PPP1R1C: variants seen among roughly 807,000 people sequenced by gnomAD.
PPP1R1C encodes protein phosphatase 1 regulatory inhibitor subunit 1C.
PPP1R1C carries 15 observed loss-of-function variants against 17.4 expected under a neutral mutation model. That is an observed-to-expected ratio of 0.86 (90% confidence interval 0.58 to 1.33). The LOEUF (loss-of-function observed/expected upper bound fraction) is 1.33, where lower values mean the gene tolerates loss of function less well. PPP1R1C is among the 40% of genes most tolerant of loss of function. The pLI is 0.00. For missense variants in PPP1R1C, 143 were observed against 130.0 expected (o/e 1.10, Z -0.48); for synonymous variants, 35 against 43.1 (o/e 0.81, Z 0.73).
intron 1 of PPP1R1C, among the ~76,000 whole-genome samples, chr2:181,958,091 T>A (rs1315311255): frequency 6.6e-6 from 1 of 152,142 alleles, no homozygotes; most frequent in Non-Finnish European, 1.5e-5. Flanking sequence ...CTGACTTTGA[T>A]ATAAGAACAT....
rs537919332 is a variant in PPP1R1C at position 182,081,668 on chromosome 2, T to TA, written c.241+17886dup. Among the ~76,000 whole-genome samples the TA allele has an allele frequency of 2.8e-4, 42 of 151,464 alleles. 1 individual carries two copies. Among genetic ancestry groups the TA allele is most frequent in the Admixed American group, 1.8e-3 (28 of 15,192 alleles). On this transcript the variant is annotated intron_variant, in intron 4 of 4. Coordinates refer to ENST00000682840, the MANE Select transcript of PPP1R1C (RefSeq NM_001080545.3). ...TTCGATAACTTCTGGATGCATTTTG[T>TA]AAAAAAAAAGTATTGTGTCATATTA... is the stretch of plus-strand genomic sequence containing the variant.
chr2:182,124,304 GTTTT>G (rs1177517439), intron 5 of PPP1R1C, among the ~76,000 whole-genome samples: 1 of 77,648 alleles, frequency 1.3e-5, no homozygotes, highest in Non-Finnish European at 2.8e-5. Context: ...CTCCAGCTTT[GTTTT>G]TTTTTGTTTT....
At chr2:181,977,813 C>T (rs900245651) in intron 2 of PPP1R1C, among the ~76,000 whole-genome samples, 10 of 152,142 alleles carry the variant, frequency 6.6e-5, no homozygotes, top group African/African-American at 2.2e-4. Context: ...GGAGCTGACT[C>T]ACGTGGCTGG....
intron 2 of PPP1R1C, among the ~76,000 whole-genome samples, chr2:182,015,884 G>A (rs1686250687): frequency 6.6e-6 from 1 of 152,110 alleles, no homozygotes; most frequent in Admixed American, 6.5e-5. Context: ...TTAAGGGATG[G>A]GTGATGACTC....
chr2:182,094,517 G>A (rs1375603251), intron 4 of PPP1R1C, among the ~76,000 whole-genome samples: 1 of 152,188 alleles, frequency 6.6e-6, no homozygotes, highest in African/African-American at 2.4e-5. Flanking sequence ...TTTGAATTTT[G>A]ATCTCTTTCC....
chr2:181,971,341 G>A (rs993470569), intron 1 of PPP1R1C, among the ~76,000 whole-genome samples: 37 of 152,102 alleles, frequency 2.4e-4, no homozygotes, highest in Non-Finnish European at 2.5e-4. Flanking sequence ...CCTTTTCATC[G>A]AGGGTGTGTC....
At chr2:182,009,657 T>C (rs375466990) in intron 2 of PPP1R1C, among the ~76,000 whole-genome samples, 6 of 152,156 alleles carry the variant, frequency 3.9e-5, no homozygotes, top group African/African-American at 1.4e-4. Flanking sequence ...CCATTTTTGC[T>C]TAGTTGCCTG....
chr2:182,124,339 G>GTTTTTTTTTTGT (rs1689819537), intron 5 of PPP1R1C, among the ~76,000 whole-genome samples: 3 of 52,160 alleles, frequency 5.8e-5, no homozygotes, highest in African/African-American at 2.0e-4. Flanking sequence ...TTTTTTTTTT[G>GTTTTTTTTTTGT]TTTTTTTTTT....
intron 4 of PPP1R1C, among the ~76,000 whole-genome samples, chr2:182,111,113 T>C (rs1319357694): frequency 6.6e-6 from 1 of 152,212 alleles, no homozygotes; most frequent in African/African-American, 2.4e-5. Context: ...TTGTTTGAAT[T>C]CATATTTCTA....
At chr2:182,106,562 C>T (rs1689259586) in intron 4 of PPP1R1C, among the ~76,000 whole-genome samples, 1 of 152,152 alleles carries the variant, frequency 6.6e-6, no homozygotes, top group African/African-American at 2.4e-5. Context: ...CTGCTGAGAG[C>T]TACCTCCACC....
intron 2 of PPP1R1C, among the ~76,000 whole-genome samples, chr2:182,053,942 G>T (rs961538443): frequency 6.6e-6 from 1 of 151,894 alleles, no homozygotes; most frequent in Non-Finnish European, 1.5e-5. Context: ...CATCACGCCC[G>T]GCTAATTTTA....
upstream of PPP1R1C, among the ~76,000 whole-genome samples, chr2:181,983,114 T>C (rs1194902842): frequency 1.3e-5 from 2 of 152,160 alleles, no homozygotes; most frequent in South Asian, 4.1e-4. Flanking sequence ...TAAGATCTTT[T>C]ACCATGGAAT....
chr2:181,976,602 G>GTATATC lies in PPP1R1C; in HGVS notation n.157+1358_157+1363dup, dbSNP rs534019411. Among the ~76,000 whole-genome samples, 416 of 152,068 alleles carry GTATATC rather than the reference G, an allele frequency of 2.7e-3. 1 individual carries two copies. Among genetic ancestry groups the GTATATC allele is most frequent in the Non-Finnish European group, 4.9e-3 (333 of 67,992 alleles). On this transcript the variant is annotated intron_variant and non_coding_transcript_variant, in intron 2 of 5. Coordinates refer to the PPP1R1C transcript ENST00000464264. The surrounding 1 kb of genome is among the most constrained non-coding windows in gnomAD (Gnocchi z 4.8). ...TAATATAAATTTTATCTATATATCTGTATATCTATATCTATATCTATATCT... is the reference window on the plus strand; with the variant it reads ...TAATATAAATTTTATCTATATATCTGTATATCTATATCTATATCTATATCTATATCT...
intron 5 of PPP1R1C, among the ~76,000 whole-genome samples, chr2:182,123,908 T>G (rs921021287): frequency 6.6e-6 from 1 of 152,232 alleles, no homozygotes; most frequent in Admixed American, 6.5e-5. Flanking sequence ...TTTTGGTGTT[T>G]TACTCATGAA....
At chr2:181,979,620 G>C (rs1226508125) in intron 2 of PPP1R1C, among the ~76,000 whole-genome samples, 1 of 152,118 alleles carries the variant, frequency 6.6e-6, no homozygotes, top group Non-Finnish European at 1.5e-5. Context: ...GGCTCAGTTG[G>C]GGGTATCGGG....
chr2:181,962,556 G>C lies in PPP1R1C; in HGVS notation n.111+7922G>C, dbSNP rs1160576292. On this transcript the variant is annotated intron_variant and non_coding_transcript_variant, in intron 1 of 5. Coordinates refer to the PPP1R1C transcript ENST00000464264. The surrounding 1 kb of genome is among the most constrained non-coding windows in gnomAD (Gnocchi z 6.0). ...ATAGCAGTTTTCTAAGGAACCTGCA[G>C]AGAAACATCAAGCTCAGATCGAACA... 1.8e-6 allele frequency: 1 copy of C among 568,650 alleles called. No homozygotes were observed. The highest frequency in any genetic ancestry group is 3.6e-5 in the East Asian group (1 of 27,528). The allele number at this position is 568,650 out of a possible 1,614,324, so 35.2% of individuals were successfully genotyped here. A position where few individuals can be genotyped will look rare whatever the true frequency, so the allele number is the denominator to read the frequency against.
intron 2 of PPP1R1C, among the ~76,000 whole-genome samples, chr2:182,037,774 T>A (rs1323601840): frequency 6.6e-6 from 1 of 152,014 alleles, no homozygotes; most frequent in Non-Finnish European, 1.5e-5. Flanking sequence ...TGAAGCAAAA[T>A]CTATTACAGA....
At chr2:181,994,558 G>A (rs1368453136) in intron 2 of PPP1R1C, among the ~76,000 whole-genome samples, 1 of 152,066 alleles carries the variant, frequency 6.6e-6, no homozygotes, top group African/African-American at 2.4e-5. Context: ...ATAAACTTCA[G>A]CACAAGACTC....
At chr2:181,987,705 C>G (rs1425347001) in intron 1 of PPP1R1C, 134 bp from the exon 2 acceptor site, 4 of 771,234 alleles carry the variant, frequency 5.2e-6, no homozygotes, top group African/African-American at 1.8e-5. Context: ...TAGTGAGCAC[C>G]TTCCATGTGT....
Sources: gnomAD v4.1 joint callset for allele counts (sites outside exome capture counted in the v4.1 genomes callset) on GRCh38, gnomAD v4.1.1 for gene constraint, Gnocchi (gnomAD v3.1) non-coding constraint, MANE v1.5 for transcripts, NCBI Gene and HGNC (gene_info 2026-07-23, HGNC 2026-07-21) for gene names.